The following CELF4 variants were observed in gnomAD, a reference collection of about 807,000 sequenced individuals.
CELF4 encodes the protein CUGBP Elav-like family member 4.
In CELF4, 18 loss-of-function variants were observed where a neutral mutation model predicts 59.9. The ratio of observed to expected loss-of-function variants is 0.30; its 90% CI spans 0.21 to 0.45. The LOEUF (loss-of-function observed/expected upper bound fraction) is 0.45. Ranked by LOEUF, CELF4 falls within the 20% of genes least tolerant of loss-of-function variation. The pLI is 1.00. For synonymous variants in CELF4, 261 were observed against 267.1 expected (o/e 0.98, Z 0.22); for missense variants, 456 against 689.0 (o/e 0.66, Z 3.79).
rs1569566232 is a variant in CELF4 at position 37,338,439 on chromosome 18, G to GCCACCA, written c.370-16559_370-16558insTGGTGG. ...CACCATTATCAGCACCTCTGTCACT[G>GCCACCA]TCACCACTGTCACTACCACCATCAT... On this transcript the variant is annotated intron_variant, in intron 2 of 12. Transcript: ENST00000420428. Among the ~76,000 whole-genome samples, 100 of 142,716 alleles carry GCCACCA rather than the reference G, an allele frequency of 7.0e-4. 4 individuals carry two copies. The highest frequency in any genetic ancestry group is 2.7e-3 in the African/African-American group (89 of 32,536). The allele number at this position is 142,716 out of a possible 152,430, so 93.6% of individuals were successfully genotyped here.
intron 8 of CELF4, among the ~76,000 whole-genome samples, chr18:37,268,391 A>G (rs938227205): frequency 1.3e-5 from 2 of 152,132 alleles, no homozygotes; most frequent in African/African-American, 4.8e-5. Context: ...AAGGAGAACC[A>G]CGTCCGGATT....
At chr18:37,539,472 A>C (rs10586680) in intron 1 of CELF4, among the ~76,000 whole-genome samples, 4,078 of 106,610 alleles carry the variant, frequency 0.038, 77 homozygotes, top group African/African-American at 0.062. Context: ...CACACACACA[A>C]ACACACACAC....
In CELF4 at chr18:37,433,805, G is replaced by A. The variant is rs539783357; in HGVS notation, c.369+51720C>T. On this transcript the variant is annotated intron_variant, in intron 2 of 12. Transcript: ENST00000420428. ...TGTCACTTGGAGAATGAAAGGAGAC[G>A]CAGGGAGGTAGACTGGGTGGCAGTG... 4.3e-4 allele frequency among the ~76,000 whole-genome samples: 65 copies of A among 152,318 alleles called. 1 individual carries two copies. The highest frequency in any genetic ancestry group is 2.7e-3 in the South Asian group (13 of 4,822).
intron 1 of CELF4, among the ~76,000 whole-genome samples, chr18:37,492,442 A>C (rs2099909128): frequency 6.6e-6 from 1 of 152,074 alleles, no homozygotes. Flanking sequence ...AGTGGATCGC[A>C]AGAGGGAGGG....
rs561464294 is a variant in CELF4, at chr18:37,243,186, C to CTTTTTTTTTTTT, written c.*2044_*2055dup. ...TGTTTTCTTTTTTTTTTCTTTTTTT[C>CTTTTTTTTTTTT]TTTTTTTTTTTTTTTTTTTTACATC... On this transcript the variant is annotated 3_prime_UTR_variant, in exon 13 of 13. Transcript: ENST00000420428. 4 of 100,552 alleles carry CTTTTTTTTTTTT rather than the reference C, an allele frequency of 4.0e-5. No homozygotes were observed. Among genetic ancestry groups the CTTTTTTTTTTTT allele is most frequent in the Non-Finnish European group, 7.7e-5 (4 of 52,220 alleles). The allele number at this position is 100,552 out of a possible 1,614,324, so 6.2% of individuals were successfully genotyped here. A position where few individuals can be genotyped will look rare whatever the true frequency, so the allele number is the denominator to read the frequency against.
At chr18:37,498,258 G>A (rs902015905) in intron 1 of CELF4, among the ~76,000 whole-genome samples, 4 of 151,948 alleles carry the variant, frequency 2.6e-5, no homozygotes, top group African/African-American at 9.7e-5. Flanking sequence ...ATCTTTCTTT[G>A]GCTTTCTCAC....
chr18:37,330,195 C>T (rs1306510741), intron 2 of CELF4, among the ~76,000 whole-genome samples: 6 of 152,184 alleles, frequency 3.9e-5, no homozygotes, highest in Non-Finnish European at 5.9e-5. Flanking sequence ...CTTCCCGGCG[C>T]TTAGCAAATT....
At chr18:37,362,372 G>C (rs1462684056) in intron 2 of CELF4, among the ~76,000 whole-genome samples, 2 of 152,218 alleles carry the variant, frequency 1.3e-5, no homozygotes, top group South Asian at 4.1e-4. Flanking sequence ...CGAAGGTCAA[G>C]GCCAAGCCTG....
chr18:37,340,579 C>A (rs1412530910), intron 2 of CELF4, among the ~76,000 whole-genome samples: 2 of 152,206 alleles, frequency 1.3e-5, no homozygotes, highest in African/African-American at 4.8e-5. Context: ...AGTTCCCTCT[C>A]GTCTCCCAGT....
Position 37,308,284 on chromosome 18 carries a change from GCCTGGCGTTCCCTGAAACCTCTTCT to G in CELF4, c.448+13494_448+13518del, listed in dbSNP as rs147393309. 4.3e-3 allele frequency among the ~76,000 whole-genome samples: 654 copies of G among 152,224 alleles called. 5 individuals carry two copies. Among genetic ancestry groups the G allele is most frequent in the African/African-American group, 0.015 (625 of 41,544 alleles). ...CTGCCTCCCCACCCCAAACTCCTTT[GCCTGGCGTTCCCTGAAACCTCTTCT>G]CTGGCCAACTGGTTTCCTCCTTTTG... On this transcript the variant is annotated intron_variant, in intron 3 of 12. Transcript: ENST00000420428.
intron 1 of CELF4, among the ~76,000 whole-genome samples, chr18:37,563,634 C>T (rs1048565931): frequency 6.6e-6 from 1 of 152,042 alleles, no homozygotes; most frequent in African/African-American, 2.4e-5. Context: ...GCTGCCTCCC[C>T]GTTCCACCTT....
chr18:37,522,860 T>C (rs948533), intron 1 of CELF4, among the ~76,000 whole-genome samples: 26,988 of 152,060 alleles, frequency 0.18, 2,543 homozygotes, highest in Middle Eastern at 0.28. Flanking sequence ...GGGCATTGCA[T>C]TGTCTCCTTC....
At chr18:37,486,722 C>T (rs1027700796) in intron 1 of CELF4, among the ~76,000 whole-genome samples, 1 of 152,212 alleles carries the variant, frequency 6.6e-6, no homozygotes, top group Non-Finnish European at 1.5e-5. Flanking sequence ...AGAGAAGGCA[C>T]CCTGTGGAAT....
At chr18:37,371,991 G>A (rs1363928315) in intron 2 of CELF4, among the ~76,000 whole-genome samples, 2 of 152,190 alleles carry the variant, frequency 1.3e-5, no homozygotes, top group East Asian at 3.9e-4. Flanking sequence ...AGACAACCGA[G>A]CCTTAGAAAG....
chr18:37,413,601 A>T (rs765280300), intron 2 of CELF4, among the ~76,000 whole-genome samples: 3 of 152,208 alleles, frequency 2.0e-5, no homozygotes, highest in Non-Finnish European at 4.4e-5. Context: ...CCTAATCCAG[A>T]TGACCCCATG....
intron 2 of CELF4, among the ~76,000 whole-genome samples, chr18:37,372,380 G>C (rs945386461): frequency 1.3e-5 from 2 of 152,142 alleles, no homozygotes; most frequent in Non-Finnish European, 2.9e-5. Context: ...CTATCGCAAG[G>C]ACAGAAAACC....
At chr18:37,351,605 CTTCTTCTT>C (rs1008702252) in intron 2 of CELF4, among the ~76,000 whole-genome samples, 1 of 105,382 alleles carries the variant, frequency 9.5e-6, no homozygotes, top group Non-Finnish European at 1.9e-5. Context: ...TCTTTTTCTT[CTTCTTCTT>C]TTTTTTTTTT....
intron 2 of CELF4, among the ~76,000 whole-genome samples, chr18:37,480,960 C>T (rs1275953323): frequency 6.6e-6 from 1 of 152,150 alleles, no homozygotes; most frequent in Non-Finnish European, 1.5e-5. Flanking sequence ...GCTAGAAATC[C>T]ATTTGAGCTC....
intron 2 of CELF4, among the ~76,000 whole-genome samples, chr18:37,462,173 G>A (rs971144025): frequency 6.6e-6 from 1 of 152,068 alleles, no homozygotes; most frequent in Non-Finnish European, 1.5e-5. Flanking sequence ...ATGATCTGGG[G>A]GTTGCCCCTG....
Sources: gnomAD v4.1 joint callset for allele counts (sites outside exome capture counted in the v4.1 genomes callset) on GRCh38, gnomAD v4.1.1 for gene constraint, MANE v1.5 for transcripts, NCBI Gene and HGNC (gene_info 2026-07-23, HGNC 2026-07-21) for gene names.